TEKT5: variants seen among roughly 807,000 people sequenced by gnomAD.
TEKT5 encodes the protein tektin-5.
Under a neutral mutation model 48.7 loss-of-function variants are expected in TEKT5, and 52 were observed. That is an observed-to-expected ratio of 1.07 (90% CI 0.86 to 1.35). The LOEUF (loss-of-function observed/expected upper bound fraction) is 1.35. Ranked by LOEUF, TEKT5 falls within the 40% of genes most tolerant of loss-of-function variation. TEKT5 has a pLI of 0.00. For synonymous variants in TEKT5, 318 were observed against 267.6 expected, an observed-to-expected ratio of 1.19 and a Z score of -1.84; for missense variants, 831 against 641.6, an observed-to-expected ratio of 1.30 and a Z score of -3.19.
intron 5 of TEKT5, among the ~76,000 whole-genome samples, chr16:10,647,471 C>CAA (rs35976644): frequency 0.014 from 1,653 of 114,230 alleles, 37 homozygotes; most frequent in African/African-American, 0.045. Flanking sequence ...GACCCTGTCT[C>CAA]AAAAAAAAAA....
At chr16:10,660,873 G>C (rs774001548) in intron 5 of TEKT5, among the ~76,000 whole-genome samples, 1 of 152,164 alleles carries the variant, frequency 6.6e-6, no homozygotes, top group African/African-American at 2.4e-5. Flanking sequence ...GCTAATTTTT[G>C]TATTTTTAGT....
At chr16:10,661,334 C>G (rs1596409864) in intron 5 of TEKT5, among the ~76,000 whole-genome samples, 1 of 152,148 alleles carries the variant, frequency 6.6e-6, no homozygotes, top group Non-Finnish European at 1.5e-5. Context: ...TCTGCAGCAC[C>G]TCGCTACTCC....
At chr16:10,671,536 A>G (rs1056420393) in intron 5 of TEKT5, among the ~76,000 whole-genome samples, 1 of 152,248 alleles carries the variant, frequency 6.6e-6, no homozygotes, top group African/African-American at 2.4e-5. Context: ...AACCAGTCAC[A>G]GGAGGACAAC....
chr16:10,638,191 C>T (rs1897942349), intron 5 of TEKT5, among the ~76,000 whole-genome samples: 1 of 152,202 alleles, frequency 6.6e-6, no homozygotes, highest in Non-Finnish European at 1.5e-5. Context: ...AGAGAATGAA[C>T]AAAGAATGGG....
At chr16:10,688,040 G>A (rs958075912) in intron 3 of TEKT5, among the ~76,000 whole-genome samples, 1 of 152,102 alleles carries the variant, frequency 6.6e-6, no homozygotes, top group African/African-American at 2.4e-5. Context: ...GTTGACTGTA[G>A]TCACCCTGTT....
At chr16:10,671,000 G>A (rs1202109711) in intron 5 of TEKT5, among the ~76,000 whole-genome samples, 1 of 152,038 alleles carries the variant, frequency 6.6e-6, no homozygotes, top group Admixed American at 6.6e-5. Flanking sequence ...AAACTCCGGG[G>A]CTCAAGGGAT....
At chr16:10,631,885 G>C (rs1897846173) in intron 6 of TEKT5, among the ~76,000 whole-genome samples, 1 of 152,206 alleles carries the variant, frequency 6.6e-6, no homozygotes, top group Non-Finnish European at 1.5e-5. Context: ...AGCTGTGAGG[G>C]AATAAACTTC....
intron 1 of TEKT5, chr16:10,690,763 A>G (rs1027849622): frequency 1.0e-6 from 1 of 985,266 alleles, no homozygotes; most frequent in Non-Finnish European, 1.2e-6. Flanking sequence ...GGGGCGCTCT[A>G]TGATGGGAAG....
chr16:10,649,583 C>T (rs1344267603), intron 5 of TEKT5, among the ~76,000 whole-genome samples: 1 of 151,520 alleles, frequency 6.6e-6, no homozygotes, highest in Non-Finnish European at 1.5e-5. Flanking sequence ...TACAGACGTA[C>T]ACCACCATGC....
At chr16:10,675,000 A>G (rs1898619272) in intron 5 of TEKT5, among the ~76,000 whole-genome samples, 1 of 151,694 alleles carries the variant, frequency 6.6e-6, no homozygotes, top group Admixed American at 6.6e-5. Flanking sequence ...AATTTTTTCT[A>G]TTTTTAGTAG....
intron 5 of TEKT5, among the ~76,000 whole-genome samples, chr16:10,644,714 T>C (rs754693159): frequency 1.2e-4 from 19 of 152,228 alleles, no homozygotes; most frequent in Admixed American, 1.1e-3. Flanking sequence ...TGTTCTCCTA[T>C]CGCCTAGAAC....
rs148164931 is a variant in TEKT5, at chr16:10,690,875, T to C, written c.565-850A>G. 2.2e-3 allele frequency: 1,731 copies of C among 783,728 alleles called. 2 individuals carry two copies. Among genetic ancestry groups the C allele is most frequent in the Admixed American group, 5.0e-3 (80 of 16,038 alleles). The allele number at this position is 783,728 out of a possible 1,614,324, so 48.5% of individuals were successfully genotyped here. ...AGGTCTGGATGTCAGGATGCAAATG[T>C]ATGTGAGAACTCAGAAATGGGAGGG... On this transcript the variant is annotated intron_variant, in intron 1 of 6. Transcript: ENST00000283025.
At position 10,657,131 on chromosome 16, in the gene TEKT5, TTTC is replaced by T. The variant is rs1223323071; in HGVS notation, c.1086+18825_1086+18827del. 4.4e-3 allele frequency among the ~76,000 whole-genome samples: 616 copies of T among 138,692 alleles called. 3 individuals are homozygous for T. Among genetic ancestry groups the T allele is most frequent in the African/African-American group, 0.017 (526 of 30,976 alleles). 91.0% of individuals were successfully genotyped at this position (138,692 alleles called of 152,430 possible). A position where few individuals can be genotyped will look rare whatever the true frequency, so the allele number is the denominator to read the frequency against. On this transcript the variant is annotated intron_variant, in intron 5 of 6. Transcript: ENST00000283025. ...AAATTAGGTCTGCCTTTTTTTTTTT[TTTC>T]TTTTTTTTGAGACAGAGTTTCACTC... is the stretch of plus-strand genomic sequence containing the variant.
In TEKT5 at chr16:10,633,045, C is replaced by G. The variant is rs143506471; in HGVS notation, c.1241+2719G>C. On this transcript the variant is annotated intron_variant, in intron 6 of 6. Transcript: ENST00000283025. ...AGCAGTAGGTCCTCCAGGCAACTCC[C>G]CCAGAAGCCCTGTTCTGTAGAAGTC... Among the ~76,000 whole-genome samples the G allele has an allele frequency of 5.3e-3, 800 of 152,324 alleles. 6 individuals are homozygous for G. The highest frequency in any genetic ancestry group is 0.018 in the African/African-American group (759 of 41,580).
At chr16:10,692,370 A>G (rs1332494480) in intron 1 of TEKT5, among the ~76,000 whole-genome samples, 1 of 152,108 alleles carries the variant, frequency 6.6e-6, no homozygotes, top group East Asian at 1.9e-4. Context: ...AACCTATGCC[A>G]TGTCTCCCAG....
At position 10,646,000 on chromosome 16, in the gene TEKT5, G is replaced by A. The variant is rs182313795; in HGVS notation, c.1087-10082C>T. ...AAAAGAAAAACTGGCCAGGCATATA[G>A]TGCACATCTGTAATCCCAGCTACTT... On this transcript the variant is annotated intron_variant, in intron 5 of 6. Transcript: ENST00000283025. Among the ~76,000 whole-genome samples, 49 of 151,976 alleles carry A rather than the reference G, an allele frequency of 3.2e-4. No homozygotes were observed. The East Asian group carries it at 9.1e-3, about 28-fold the overall frequency.
At chr16:10,655,013 G>A (rs894178306) in intron 5 of TEKT5, among the ~76,000 whole-genome samples, 2 of 132,654 alleles carry the variant, frequency 1.5e-5, no homozygotes, top group South Asian at 2.3e-4. Flanking sequence ...TTTAATGTAA[G>A]ACAATAGGAA....
At chr16:10,665,944 C>G (rs188752747) in intron 5 of TEKT5, among the ~76,000 whole-genome samples, 1 of 152,194 alleles carries the variant, frequency 6.6e-6, no homozygotes, top group African/African-American at 2.4e-5. Context: ...CCTACAGGAA[C>G]GCAGTCTTCA....
At chr16:10,691,091 C>A (rs1204045458) in intron 1 of TEKT5, among the ~76,000 whole-genome samples, 1 of 152,224 alleles carries the variant, frequency 6.6e-6, no homozygotes, top group Admixed American at 6.5e-5. Flanking sequence ...TGCCTTTAAT[C>A]TCAACACTTT....
Sources: allele counts gnomAD v4.1 joint callset (sites outside exome capture counted in the v4.1 genomes callset), GRCh38; gene constraint gnomAD v4.1.1; transcripts MANE v1.5; gene names NCBI Gene and HGNC (gene_info 2026-07-23, HGNC 2026-07-21).